Variants in INSR observed in about 807,000 individuals in gnomAD.
The protein encoded by INSR is IR.
In INSR, 67 loss-of-function variants were observed where a neutral mutation model predicts 142.6. The ratio of observed to expected loss-of-function variants is 0.47; its 90% CI spans 0.39 to 0.58. The LOEUF is 0.58. Ranked by LOEUF, INSR falls within the 20% of genes least tolerant of loss-of-function variation. The pLI, the probability that INSR is intolerant of heterozygous loss-of-function variation, is 0.00. For missense variants in INSR, 1,248 were observed against 1,833.2 expected (o/e 0.68, Z 5.83); for synonymous variants, 756 against 743.1 (o/e 1.02, Z -0.28).
In INSR at chr19:7,266,577, G is replaced by A. The variant is rs972257530; in HGVS notation, c.652+768C>T. ...ATTTTGTATTTTTAGTAGAGATGGG[G>A]TTTCACCGTGTTGGTCAGGTTGGTC... is the stretch of plus-strand genomic sequence containing the variant. On this transcript the variant is annotated intron_variant, in intron 2 of 21. Transcript: ENST00000302850. 2.0e-5 allele frequency among the ~76,000 whole-genome samples: 3 copies of A among 152,086 alleles called. No homozygotes were observed. In the South Asian group the frequency reaches 6.2e-4, roughly 32 times the overall value.
Position 7,122,637 on chromosome 19 carries a change from T to C in INSR, c.3506A>G (p.His1169Arg), listed in dbSNP as rs1176658972. Reference sequence around the variant, plus strand: ...ACCTCCAATTTTGACAGTAAAATCATGGGCGACCATGCAGTTTCTCGCTGC... The same window carrying C: ...ACCTCCAATTTTGACAGTAAAATCACGGGCGACCATGCAGTTTCTCGCTGC... The part of the protein sequence containing the change: ...DLAARNCMVA[H>R]DFTVKIGDFG... The change falls in exon 19 of 22, where the codon CAT becomes CGT. Residue 1169 changes from histidine (H) to arginine (R), a missense_variant. Transcript: ENST00000302850. The C allele has an allele frequency of 3.7e-6, 6 of 1,614,072 alleles. No homozygotes were observed. The highest frequency in any genetic ancestry group is 3.3e-5 in the Admixed American group (2 of 60,006).
At chr19:7,193,967 G>GCTT (rs10659627) in intron 2 of INSR, among the ~76,000 whole-genome samples, 112,833 of 151,780 alleles carry the variant, frequency 0.74, 42,189 homozygotes, top group African/African-American at 0.8. Context: ...CTCCCAAACT[G>GCTT]GGCATAGGCG....
intron 2 of INSR, among the ~76,000 whole-genome samples, chr19:7,213,489 A>C (rs7255382): frequency 0.25 from 37,619 of 152,014 alleles, 4,839 homozygotes; most frequent in East Asian, 0.29. Context: ...TCTCTCTTGC[A>C]GGTCCTTTAT....
chr19:7,253,316 G>A (rs1976791755), intron 2 of INSR, among the ~76,000 whole-genome samples: 1 of 151,894 alleles, frequency 6.6e-6, no homozygotes, highest in African/African-American at 2.4e-5. Flanking sequence ...TCGACTCACT[G>A]CAACCTCCAC....
chr19:7,134,441 G>A (rs1208913433), intron 13 of INSR, among the ~76,000 whole-genome samples: 2 of 107,194 alleles, frequency 1.9e-5, no homozygotes, highest in East Asian at 5.6e-4. Flanking sequence ...CCACGGTGCT[G>A]CCTTTCGATT....
At chr19:7,122,382 G>T (rs1240896027) in intron 19 of INSR, among the ~76,000 whole-genome samples, 1 of 149,548 alleles carries the variant, frequency 6.7e-6, no homozygotes, top group Non-Finnish European at 1.5e-5. Flanking sequence ...GGTGGAGGTT[G>T]CAGTGAGCTG....
chr19:7,291,949 C>T (rs1968502841), intron 1 of INSR, among the ~76,000 whole-genome samples: 1 of 150,428 alleles, frequency 6.6e-6, no homozygotes, highest in African/African-American at 2.5e-5. Flanking sequence ...CCCGCCACCA[C>T]GCCCGGCTAA....
intron 2 of INSR, among the ~76,000 whole-genome samples, chr19:7,198,615 T>C (rs891842858): frequency 1.3e-5 from 2 of 151,840 alleles, no homozygotes; most frequent in East Asian, 3.9e-4. Flanking sequence ...CTCACTAGGG[T>C]CACACAGCAA....
chr19:7,123,254 T>C, intron 17 of INSR: 1 of 429,414 alleles, frequency 2.3e-6, no homozygotes, highest in Non-Finnish European at 4.3e-6. Flanking sequence ...CTGCAACCTT[T>C]GCCTCCCGGG....
At chr19:7,201,773 C>A (rs1974963380) in intron 2 of INSR, among the ~76,000 whole-genome samples, 1 of 139,778 alleles carries the variant, frequency 7.2e-6, no homozygotes, top group Non-Finnish European at 1.5e-5. Flanking sequence ...CGCCATTCCC[C>A]TGCCTCAGCC....
intron 2 of INSR, among the ~76,000 whole-genome samples, chr19:7,246,357 C>T (rs190969252): frequency 6.6e-6 from 1 of 152,310 alleles, no homozygotes; most frequent in East Asian, 1.9e-4. Context: ...TAAGCCCAAA[C>T]TAGCCAACTG....
intron 15 of INSR, 142 bp downstream of exon 15, chr19:7,128,710 C>G (rs535258228): frequency 1.5e-6 from 1 of 658,138 alleles, no homozygotes; most frequent in Admixed American, 2.3e-5. Context: ...CATATTATGA[C>G]AATTATCTGT....
At chr19:7,291,207 G>T (rs140645339) in intron 1 of INSR, among the ~76,000 whole-genome samples, 1 of 152,298 alleles carries the variant, frequency 6.6e-6, no homozygotes, top group East Asian at 1.9e-4. Context: ...ATCGTGGGGG[G>T]TACGGAGGCT....
At chr19:7,201,183 T>A (rs1257273275) in intron 2 of INSR, among the ~76,000 whole-genome samples, 1 of 152,054 alleles carries the variant, frequency 6.6e-6, no homozygotes, top group African/African-American at 2.4e-5. Context: ...GAGTACAGCT[T>A]ATGAGAGAGA....
At position 7,130,930 on chromosome 19, in the gene INSR, G is replaced by C. The variant is rs146408720; in HGVS notation, c.2842+1228C>G. On this transcript the variant is annotated intron_variant, in intron 14 of 21. Coordinates refer to ENST00000302850, the MANE Select transcript of INSR (RefSeq NM_000208.4). ...GTCTCACTCTGTCACCCAGGCTGGA[G>C]TGCAGTGGCGTGATGTCGGCTCACT... Among the ~76,000 whole-genome samples the C allele has an allele frequency of 1.8e-3, 271 of 149,348 alleles. 2 individuals carry two copies. The East Asian group carries it at 0.025, about 14-fold the overall frequency.
At chr19:7,281,508 C>G (rs1036996584) in intron 1 of INSR, among the ~76,000 whole-genome samples, 1 of 117,126 alleles carries the variant, frequency 8.5e-6, no homozygotes, top group African/African-American at 2.7e-5. Flanking sequence ...GACCCTGTCT[C>G]TGCAAAAAAT....
chr19:7,153,349 G>C (rs72996163), intron 9 of INSR, among the ~76,000 whole-genome samples: 75 of 3,220 alleles, frequency 0.023, 2 homozygotes, highest in Non-Finnish European at 0.041. Context: ...ACACACCACA[G>C]ACCACACACC....
At chr19:7,214,316 C>G (rs1600032638) in intron 2 of INSR, among the ~76,000 whole-genome samples, 1 of 152,140 alleles carries the variant, frequency 6.6e-6, no homozygotes, top group Non-Finnish European at 1.5e-5. Flanking sequence ...TGCTGGCCCT[C>G]CATAAACATT....
Position 7,267,498 on chromosome 19 carries a change from C to G in INSR, c.499G>C (p.Val167Leu). Residue 167 changes from valine to leucine, a missense_variant, in exon 2 of 22, where the codon GTG (valine) becomes CTG (leucine). This residue lies in a region of INSR where 1,069 missense variants were observed against 1,654.0 expected (regional missense o/e 0.65). Transcript: ENST00000302850. This position sits in a 1 kb window ranked among gnomAD's most constrained non-coding sequence, Gnocchi z 6.3. ...TTCAACACGATGTAATTATCCTCCA[C>G]GGAATCCAGGATACGGGACCAGTCG... ...TIDWSRILDSVEDNYIVLNKD... is the reference protein window; with the variant it reads ...TIDWSRILDSLEDNYIVLNKD... The G allele has an allele frequency of 1.2e-6, 2 of 1,614,122 alleles. No individual in the cohort carries two copies. Among genetic ancestry groups the G allele is most frequent in the Non-Finnish European group, 1.7e-6 (2 of 1,180,018 alleles).
Sources: gnomAD v4.1 joint callset for allele counts (sites outside exome capture counted in the v4.1 genomes callset) on GRCh38, gnomAD v4.1.1 for gene constraint, gnomAD v4.1.1 regional missense constraint, Gnocchi (gnomAD v3.1) non-coding constraint, MANE v1.5 for transcripts, NCBI Gene and HGNC (gene_info 2026-07-23, HGNC 2026-07-21) for gene names.